The following UHRF1 variants were observed in gnomAD, a reference collection of about 807,000 sequenced individuals.
The protein encoded by UHRF1 is E3 ubiquitin-protein ligase UHRF1.
Under a neutral mutation model 96.5 loss-of-function variants are expected in UHRF1, and 9 were observed. The observed-to-expected ratio is 0.09, with a 90% CI of 0.06 to 0.16. UHRF1 has a LOEUF of 0.16. Ranked by LOEUF, UHRF1 falls within the 10% of genes least tolerant of loss-of-function variation. UHRF1 has a pLI of 1.00. For missense variants in UHRF1, 626 were observed against 1,131.1 expected, an observed-to-expected ratio of 0.55 and a Z score of 6.40; for synonymous variants, 455 against 469.9, an observed-to-expected ratio of 0.97 and a Z score of 0.41.
chr19:4,910,825 C>A, intron 1 of UHRF1, 51 bp from the exon 2 acceptor site: 1 of 1,554,452 alleles, frequency 6.4e-7, no homozygotes, highest in Non-Finnish European at 8.7e-7. Context: ...CATGGCATGG[C>A]TCAGAGGTGC....
chr19:4,924,763 G>C (rs2032814649), intron 2 of UHRF1, among the ~76,000 whole-genome samples: 1 of 151,582 alleles, frequency 6.6e-6, no homozygotes, highest in Non-Finnish European at 1.5e-5. Flanking sequence ...ATGGCCCTCT[G>C]TGGAGTCATC....
chr19:4,928,694 C>T (rs2032949084), intron 2 of UHRF1, among the ~76,000 whole-genome samples: 2 of 152,174 alleles, frequency 1.3e-5, no homozygotes. Context: ...TCTGTCTCGA[C>T]ACTGGACAGT....
intron 16 of UHRF1, among the ~76,000 whole-genome samples, chr19:4,957,856 G>C (rs966572562): frequency 6.6e-6 from 1 of 152,140 alleles, no homozygotes; most frequent in Non-Finnish European, 1.5e-5. Flanking sequence ...TGGGCAGTGT[G>C]GGTCTGGGTG....
At chr19:4,940,068 A>G (rs1255886968) in intron 5 of UHRF1, among the ~76,000 whole-genome samples, 3 of 152,066 alleles carry the variant, frequency 2.0e-5, no homozygotes, top group African/African-American at 7.2e-5. Flanking sequence ...CTGGTACAAA[A>G]GAAGAATGTA....
Position 4,950,591 on chromosome 19 carries a change from G to A in UHRF1, c.1518-20G>A. On this transcript the variant is annotated intron_variant, in intron 11 of 16. Coordinates refer to ENST00000650932, the MANE Select transcript of UHRF1 (RefSeq NM_001048201.3). ...GTACATCCTCACCTATAATGCGTGGGGTCCTGACTCTCCCTGCAGGGCGCT... is the reference window on the plus strand; with the variant it reads ...GTACATCCTCACCTATAATGCGTGGAGTCCTGACTCTCCCTGCAGGGCGCT... The A allele has an allele frequency of 6.2e-7, 1 of 1,608,310 alleles. No individual in the cohort carries two copies. The highest frequency in any genetic ancestry group is 8.5e-7 in the Non-Finnish European group (1 of 1,178,442).
In UHRF1 at chr19:4,954,819, C is replaced by T. The variant is rs750861047; in HGVS notation, c.2127C>T (p.Ser709=). ...ASLKDRPASG[S]PFQLFLSKVE... is the part of the protein sequence containing the mutation. Reference sequence around the variant, plus strand: ...TCAAGGACCGGCCGGCGAGCGGCAGCCCGGTAGGCTCGCACGGCTCACTCG... The same window carrying T: ...TCAAGGACCGGCCGGCGAGCGGCAGTCCGGTAGGCTCGCACGGCTCACTCG... The change falls in exon 15 of 17, where the codon AGC becomes AGT. Residue 709 remains serine, a synonymous_variant. Coordinates refer to ENST00000650932, the MANE Select transcript of UHRF1 (RefSeq NM_001048201.3). This position sits in a 1 kb window ranked among gnomAD's most constrained non-coding sequence, Gnocchi z 5.9. 1.2e-6 allele frequency: 2 copies of T among 1,613,574 alleles called. No homozygotes were observed. Among genetic ancestry groups the T allele is most frequent in the Non-Finnish European group, 1.7e-6 (2 of 1,179,754 alleles).
chr19:4,915,890 CTG>C (rs2146293886), intron 2 of UHRF1, among the ~76,000 whole-genome samples: 1 of 152,276 alleles, frequency 6.6e-6, no homozygotes, highest in East Asian at 1.9e-4. Flanking sequence ...CTTACGTGCG[CTG>C]TGTTGGAGTC....
At chr19:4,911,219 G>A (rs933467306) in intron 2 of UHRF1, among the ~76,000 whole-genome samples, 181 bp downstream of exon 2, 4 of 151,788 alleles carry the variant, frequency 2.6e-5, no homozygotes, top group Non-Finnish European at 5.9e-5. Flanking sequence ...AAGGAACAAA[G>A]GGAGGACTCA....
intron 11 of UHRF1, among the ~76,000 whole-genome samples, chr19:4,948,511 TAGA>T (rs1175853961): frequency 6.6e-6 from 1 of 152,130 alleles, no homozygotes; most frequent in African/African-American, 2.4e-5. Context: ...AAGAAACTCA[TAGA>T]AGAGCTGGGT....
At chr19:4,947,518 T>TTTTC (rs2033604318) in intron 11 of UHRF1, among the ~76,000 whole-genome samples, 1 of 139,390 alleles carries the variant, frequency 7.2e-6, no homozygotes, top group South Asian at 2.4e-4. Context: ...TTTTTTTTTT[T>TTTTC]TGGGCAGAGT....
intron 5 of UHRF1, among the ~76,000 whole-genome samples, chr19:4,934,668 G>T (rs982734953): frequency 6.6e-6 from 1 of 152,176 alleles, no homozygotes; most frequent in Non-Finnish European, 1.5e-5. Context: ...AGTACGTGAC[G>T]TGTTGTCTAT....
intron 1 of UHRF1, among the ~76,000 whole-genome samples, chr19:4,904,318 A>G (rs2032017094): frequency 6.6e-6 from 1 of 152,094 alleles, no homozygotes; most frequent in African/African-American, 2.4e-5. Flanking sequence ...AGCTGGGACT[A>G]CAGGCGTCCG....
chr19:4,909,210 G>C (rs2032145894), upstream of UHRF1: 1 of 481,258 alleles, frequency 2.1e-6, no homozygotes, highest in Non-Finnish European at 3.7e-6. Flanking sequence ...GAGTTCAGGG[G>C]GTCTGTACCC....
rs2307201 is a variant in UHRF1, at chr19:4,932,780, C to A, written c.609C>A (p.Asp203Glu). 5 of 1,613,760 alleles carry A rather than the reference C, an allele frequency of 3.1e-6. No homozygotes were observed. The South Asian group carries it at 4.4e-5, about 14-fold the overall frequency. Reference protein sequence around the residue: ...ENGVVQMNSRDVRARARTIIK... With the variant: ...ENGVVQMNSREVRARARTIIK... ...GCGTGGTCCAGATGAACTCCAGGGACGTCCGAGCGCGCGCCCGCACCATCA... is the reference window on the plus strand; with the variant it reads ...GCGTGGTCCAGATGAACTCCAGGGAAGTCCGAGCGCGCGCCCGCACCATCA... Residue 203 changes from aspartate to glutamate, a missense_variant, in exon 5 of 17, where the codon GAC becomes GAA. This residue lies in a region of UHRF1 where 198 missense variants were observed against 235.1 expected (regional missense o/e 0.84). Transcript: ENST00000650932.
upstream of UHRF1, among the ~76,000 whole-genome samples, chr19:4,907,942 C>T (rs926194316): frequency 2.6e-5 from 4 of 152,002 alleles, no homozygotes; most frequent in African/African-American, 7.2e-5. Flanking sequence ...GAACTCCTGA[C>T]CTCAGGTGAT....
intron 4 of UHRF1, 59 bp from the exon 5 acceptor site, chr19:4,932,682 C>A (rs777137237): frequency 1.9e-6 from 3 of 1,586,832 alleles, no homozygotes; most frequent in South Asian, 2.2e-5. Flanking sequence ...GCTCGTTTCC[C>A]ATTGAGGGAA....
intron 6 of UHRF1, 44 bp downstream of exon 6, chr19:4,941,672 G>A (rs772323161): frequency 5.7e-6 from 9 of 1,584,268 alleles, no homozygotes; most frequent in African/African-American, 1.3e-5. Flanking sequence ...CGGTGGGCAC[G>A]GGGCGGGGGC....
chr19:4,961,474 C>T lies in UHRF1; in HGVS notation c.*671C>T, dbSNP rs2033984216. 6.6e-6 allele frequency: 1 copy of T among 152,396 alleles called. No individual in the cohort carries two copies. The highest frequency in any genetic ancestry group is 2.1e-4 in the South Asian group (1 of 4,838). 9.4% of individuals were successfully genotyped at this position (152,396 alleles called of 1,614,324 possible). A position where few individuals can be genotyped will look rare whatever the true frequency, so the allele number is the denominator to read the frequency against. On this transcript the variant is annotated 3_prime_UTR_variant, in exon 17 of 17. Coordinates refer to ENST00000650932, the MANE Select transcript of UHRF1 (RefSeq NM_001048201.3). ...GGAGTTGGGGCCACGCAGAAATGGC[C>T]TCAAGGGGACTCTGCTCCACGTGGG...
intron 2 of UHRF1, among the ~76,000 whole-genome samples, chr19:4,914,113 G>A (rs966538590): frequency 6.6e-6 from 1 of 151,870 alleles, no homozygotes; most frequent in Non-Finnish European, 1.5e-5. Context: ...GGTGTGAACC[G>A]TCGCATCCGG....
Sources: allele counts gnomAD v4.1 joint callset (sites outside exome capture counted in the v4.1 genomes callset), GRCh38; gene constraint gnomAD v4.1.1; regional missense constraint gnomAD v4.1.1; non-coding constraint Gnocchi (gnomAD v3.1); transcripts MANE v1.5; gene names NCBI Gene and HGNC (gene_info 2026-07-23, HGNC 2026-07-21).